C1QTNF2: variants seen among roughly 807,000 people sequenced by gnomAD.
C1QTNF2 encodes the protein complement C1q tumor necrosis factor-related protein 2.
Under a neutral mutation model 17.4 loss-of-function variants are expected in C1QTNF2, and 15 were observed. The ratio of observed to expected loss-of-function variants is 0.86; its 90% CI spans 0.58 to 1.33. C1QTNF2 has a LOEUF of 1.33. Among genes scored for constraint, C1QTNF2 ranks in the 40% most tolerant of loss-of-function variants. The pLI, the probability that C1QTNF2 is intolerant of heterozygous loss-of-function variation, is 0.00. For synonymous variants in C1QTNF2, 154 were observed against 163.3 expected (o/e 0.94, Z 0.44); for missense variants, 381 against 392.3 (o/e 0.97, Z 0.24).
intron 1 of C1QTNF2, among the ~76,000 whole-genome samples, chr5:160,364,490 C>T (rs945042389): frequency 3.3e-5 from 5 of 152,158 alleles, no homozygotes; most frequent in Non-Finnish European, 5.9e-5. Context: ...TCTTGCCCTT[C>T]CGAAAATCAA....
chr5:160,350,954 G>C (rs1465764021), intron 2 of C1QTNF2, among the ~76,000 whole-genome samples: 1 of 152,102 alleles, frequency 6.6e-6, no homozygotes, highest in African/African-American at 2.4e-5. Flanking sequence ...GTTTCACCGT[G>C]TTAGCCAGGA....
At chr5:160,360,085 C>T (rs1170555035) in intron 1 of C1QTNF2, among the ~76,000 whole-genome samples, 1 of 152,222 alleles carries the variant, frequency 6.6e-6, no homozygotes, top group Non-Finnish European at 1.5e-5. Flanking sequence ...TCACTTCCTC[C>T]AGGCATTCCC....
intron 1 of C1QTNF2, among the ~76,000 whole-genome samples, chr5:160,363,014 C>T (rs1336683936): frequency 6.6e-6 from 1 of 152,104 alleles, no homozygotes; most frequent in Non-Finnish European, 1.5e-5. Context: ...TCCTGAACTC[C>T]CACTGGGAGC....
intron 2 of C1QTNF2, among the ~76,000 whole-genome samples, chr5:160,352,870 T>C (rs1393071081): frequency 1.3e-5 from 2 of 152,250 alleles, no homozygotes; most frequent in African/African-American, 4.8e-5. Context: ...GCATGCTATG[T>C]GAGCTCAATA....
chr5:160,367,636 T>C (rs935584694), intron 1 of C1QTNF2, among the ~76,000 whole-genome samples: 1 of 152,194 alleles, frequency 6.6e-6, no homozygotes, highest in Non-Finnish European at 1.5e-5. Context: ...GATACCTTGA[T>C]GATGGGCTTC....
intron 2 of C1QTNF2, among the ~76,000 whole-genome samples, chr5:160,352,391 C>T (rs756851196): frequency 2.0e-5 from 3 of 152,094 alleles, no homozygotes; most frequent in Non-Finnish European, 4.4e-5. Context: ...GTGGTGATGG[C>T]GGGTGGTTGG....
chr5:160,357,944 C>T (rs1301603324), intron 1 of C1QTNF2, among the ~76,000 whole-genome samples: 1 of 152,224 alleles, frequency 6.6e-6, no homozygotes, highest in Non-Finnish European at 1.5e-5. Flanking sequence ...CAGCTGACAA[C>T]TCCCCTCTCT....
In C1QTNF2 at chr5:160,349,684, G is replaced by A. The variant is rs764263831; in HGVS notation, c.342C>T (p.Asn114=). Residue 114 remains asparagine (N), a synonymous_variant, in exon 3 of 3, where the codon AAC becomes AAT. Coordinates refer to ENST00000652664, the MANE Select transcript of C1QTNF2 (RefSeq NM_031908.6). The surrounding 1 kb of genome is among the most constrained non-coding windows in gnomAD (Gnocchi z 4.3). ...RAGPRGPKGV[N]GTPGKHGTPG... is the part of the protein sequence containing the mutation. ...GTGTGCCATGCTTCCCGGGGGTACCGTTGACCCCCTTGGGGCCACGGGGGC... is the reference window on the plus strand; with the variant it reads ...GTGTGCCATGCTTCCCGGGGGTACCATTGACCCCCTTGGGGCCACGGGGGC... 26 of 1,611,468 alleles carry A rather than the reference G, an allele frequency of 1.6e-5. No individual in the cohort carries two copies. The Admixed American group carries it at 2.5e-4, about 16-fold the overall frequency.
chr5:160,366,822 G>C (rs899102646), intron 1 of C1QTNF2, among the ~76,000 whole-genome samples: 2 of 136,196 alleles, frequency 1.5e-5, no homozygotes, highest in African/African-American at 5.1e-5. Flanking sequence ...CTAGGAGTTC[G>C]AGACCAGCCT....
chr5:160,354,704 G>GCC, intron 2 of C1QTNF2, 64 bp downstream of exon 2: 2 of 1,588,356 alleles, frequency 1.3e-6, no homozygotes, highest in Middle Eastern at 3.6e-4. Context: ...ACTTCATGAT[G>GCC]CCCCCCACAT....
intron 1 of C1QTNF2, among the ~76,000 whole-genome samples, chr5:160,363,757 G>A (rs1764196927): frequency 6.6e-6 from 1 of 152,234 alleles, no homozygotes; most frequent in Non-Finnish European, 1.5e-5. Context: ...AGGCTCTGGA[G>A]CGGCTGAAGA....
intron 1 of C1QTNF2, chr5:160,355,240 C>G: frequency 1.0e-6 from 1 of 985,110 alleles, no homozygotes; most frequent in Non-Finnish European, 1.2e-6. Flanking sequence ...GAATACACTT[C>G]GAAGGGGTCT....
chr5:160,369,179 T>G (rs1764302530), intron 1 of C1QTNF2, among the ~76,000 whole-genome samples: 1 of 152,130 alleles, frequency 6.6e-6, no homozygotes, highest in South Asian at 2.1e-4. Context: ...GGAGGGGGTG[T>G]GTGGGCTTTT....
intron 1 of C1QTNF2, among the ~76,000 whole-genome samples, chr5:160,364,970 C>T (rs147729677): frequency 1.3e-4 from 20 of 152,234 alleles, no homozygotes; most frequent in African/African-American, 4.3e-4. Context: ...ATTATTACTG[C>T]CTTTGAGGCC....
At position 160,350,574 on chromosome 5, in the gene C1QTNF2, T is replaced by C. The variant is rs1166155613; in HGVS notation, c.245-793A>G. Among the ~76,000 whole-genome samples the C allele has an allele frequency of 2.0e-5, 3 of 152,148 alleles. No individual in the cohort carries two copies. The East Asian group carries it at 5.8e-4, about 29-fold the overall frequency. ...AAAATTAGTCAGGCATGGTGGCATA[T>C]GCCTTTAGCCCCATCTACTTGGGAG... On this transcript the variant is annotated intron_variant, in intron 2 of 2. Coordinates refer to ENST00000652664, the MANE Select transcript of C1QTNF2 (RefSeq NM_031908.6).
intron 1 of C1QTNF2, among the ~76,000 whole-genome samples, 191 bp downstream of exon 1, chr5:160,370,321 T>C (rs1296664786): frequency 6.6e-6 from 1 of 152,184 alleles, no homozygotes; most frequent in Non-Finnish European, 1.5e-5. Context: ...CAAAACATGT[T>C]AATTTGTATT....
At chr5:160,370,366 C>T in intron 1 of C1QTNF2, 146 bp downstream of exon 1, 1 of 1,011,820 alleles carries the variant, frequency 9.9e-7, no homozygotes, top group Non-Finnish European at 1.3e-6. Flanking sequence ...GGCAGGAATG[C>T]AGGAGCTGCC....
chr5:160,354,598 GTATATATATATATATATATATA>G lies in C1QTNF2; in HGVS notation c.244+148_244+169del, dbSNP rs1172776724. On this transcript the variant is annotated intron_variant, in intron 2 of 2. Transcript: ENST00000652664. ...TGTCTCAAGGGGAAAAAAAAAAAAA[GTATATATATATATATATATATA>G]TATATATATATATAGATTTATAAGT... 2.9e-4 allele frequency among the ~76,000 whole-genome samples: 9 copies of G among 30,886 alleles called. No individual in the cohort carries two copies. The East Asian group carries it at 4.1e-3, about 14-fold the overall frequency. 20.3% of individuals were successfully genotyped at this position (30,886 alleles called of 152,430 possible).
chr5:160,367,571 G>A (rs1309556663), intron 1 of C1QTNF2, among the ~76,000 whole-genome samples: 4 of 152,220 alleles, frequency 2.6e-5, no homozygotes, highest in Non-Finnish European at 5.9e-5. Flanking sequence ...AGACACAGCA[G>A]ATGATGGCCA....
Sources: allele counts gnomAD v4.1 joint callset (sites outside exome capture counted in the v4.1 genomes callset), GRCh38; gene constraint gnomAD v4.1.1; non-coding constraint Gnocchi (gnomAD v3.1); transcripts MANE v1.5; gene names NCBI Gene and HGNC (gene_info 2026-07-23, HGNC 2026-07-21).